POFUT3: variants seen among roughly 807,000 people sequenced by gnomAD.
The protein encoded by POFUT3 is GDP-fucose protein O-fucosyltransferase 3.
At chr8:33,469,351 G>A in the POFUT3 span, among the ~76,000 whole-genome samples, 3 of 152,124 alleles carry the variant, frequency 2.0e-5, no homozygotes, top group African/African-American at 7.2e-5. Flanking sequence ...CTGTGTTAAT[G>A]TGTACCTCGC....
chr8:33,407,987 CAAAAAAAAAA>C, the POFUT3 span, among the ~76,000 whole-genome samples: 29 of 83,766 alleles, frequency 3.5e-4, no homozygotes, highest in Non-Finnish European at 4.9e-4. Flanking sequence ...GACTCCATCT[CAAAAAAAAAA>C]AAAAAAAAGA....
chr8:33,382,414 A>C, the POFUT3 span, among the ~76,000 whole-genome samples: 1 of 151,640 alleles, frequency 6.6e-6, no homozygotes. Flanking sequence ...TATGGCATAG[A>C]TTCCTGAAGA....
the POFUT3 span, chr8:33,389,624 T>C: frequency 1.2e-6 from 2 of 1,614,134 alleles, no homozygotes; most frequent in South Asian, 2.2e-5. Flanking sequence ...CTCCAAGTAT[T>C]GGGTAGTTAG....
chr8:33,356,908 G>A, the POFUT3 span, among the ~76,000 whole-genome samples: 2 of 152,072 alleles, frequency 1.3e-5, no homozygotes, highest in East Asian at 1.9e-4. Flanking sequence ...AGTTTTCCCA[G>A]CACCATTTAT....
the POFUT3 span, among the ~76,000 whole-genome samples, chr8:33,310,092 A>T: frequency 6.6e-6 from 1 of 152,184 alleles, no homozygotes; most frequent in Non-Finnish European, 1.5e-5. Flanking sequence ...AACTACTTTC[A>T]TGTGGATCTG....
At chr8:33,329,990 T>C in the POFUT3 span, among the ~76,000 whole-genome samples, 1 of 151,994 alleles carries the variant, frequency 6.6e-6, no homozygotes, top group Non-Finnish European at 1.5e-5. Context: ...ATAATAATAA[T>C]AGAAGGAAGA....
chr8:33,466,462 AAGG>A, the POFUT3 span, among the ~76,000 whole-genome samples: 1 of 150,476 alleles, frequency 6.6e-6, no homozygotes, highest in Non-Finnish European at 1.5e-5. Flanking sequence ...AGGAAAGAGA[AAGG>A]AGAAGGGAAG....
At chr8:33,389,369 C>A in the POFUT3 span, 1 of 1,614,144 alleles carries the variant, frequency 6.2e-7, no homozygotes. Flanking sequence ...TGCAATGATC[C>A]TATAAAAGCC....
the POFUT3 span, chr8:33,389,188 G>C: frequency 3.1e-6 from 5 of 1,614,120 alleles, no homozygotes; most frequent in Non-Finnish European, 4.2e-6. Context: ...GTTCCCTGGG[G>C]TGAGAAAATT....
the POFUT3 span, among the ~76,000 whole-genome samples, chr8:33,390,341 A>C: frequency 6.6e-6 from 1 of 152,096 alleles, no homozygotes; most frequent in Non-Finnish European, 1.5e-5. Context: ...TTCTCATTTT[A>C]CGAAAAAGGA....
At chr8:33,318,593 ATATAATATATAAATATAT>A in the POFUT3 span, among the ~76,000 whole-genome samples, 1 of 101,024 alleles carries the variant, frequency 9.9e-6, no homozygotes, top group Non-Finnish European at 1.8e-5. Context: ...ATATATATTT[ATATAATATATAAATATAT>A]TGTATATATA....
the POFUT3 span, among the ~76,000 whole-genome samples, chr8:33,343,552 T>G: frequency 4.7e-5 from 7 of 148,442 alleles, no homozygotes; most frequent in Admixed American, 2.6e-4. Context: ...ACAACCCCTT[T>G]ATTATACTGA....
chr8:33,379,548 T>C, the POFUT3 span, among the ~76,000 whole-genome samples: 1,101 of 152,004 alleles, frequency 7.2e-3, 4 homozygotes, highest in South Asian at 0.015. Flanking sequence ...TTAAAGAATA[T>C]AGTAAAAGGC....
At chr8:33,334,212 G>T in the POFUT3 span, among the ~76,000 whole-genome samples, 22 of 151,788 alleles carry the variant, frequency 1.4e-4, no homozygotes, top group Non-Finnish European at 2.5e-4. Context: ...ACCCTATTAA[G>T]TTGAAAATTC....
chr8:33,427,026 G>A, the POFUT3 span, among the ~76,000 whole-genome samples: 2 of 152,336 alleles, frequency 1.3e-5, no homozygotes, highest in Middle Eastern at 3.4e-3. Context: ...AGGACAGCAG[G>A]TGAAAGCCAG....
chr8:33,453,590 G>C, the POFUT3 span: 3 of 1,218,352 alleles, frequency 2.5e-6, no homozygotes, highest in South Asian at 1.5e-5. Context: ...TGATGATTTA[G>C]CCCCTGACTC....
At chr8:33,443,133 G>T in the POFUT3 span, among the ~76,000 whole-genome samples, 3 of 152,114 alleles carry the variant, frequency 2.0e-5, no homozygotes, top group African/African-American at 7.2e-5. Context: ...AAGAAAGAAA[G>T]AATTATGTCT....
chr8:33,418,456 C>T, the POFUT3 span, among the ~76,000 whole-genome samples: 18 of 147,586 alleles, frequency 1.2e-4, no homozygotes, highest in African/African-American at 4.5e-4. Context: ...GCACGCACCA[C>T]CACGCCCAGC....
At chr8:33,345,889 G>A in the POFUT3 span, among the ~76,000 whole-genome samples, 1 of 149,020 alleles carries the variant, frequency 6.7e-6, no homozygotes, top group East Asian at 2.0e-4. Flanking sequence ...GCAACGGGGT[G>A]ATCTTGGCTC....
Sources: allele counts gnomAD v4.1 joint callset (sites outside exome capture counted in the v4.1 genomes callset), GRCh38; gene constraint gnomAD v4.1.1; transcripts MANE v1.5; gene names NCBI Gene and HGNC (gene_info 2026-07-23, HGNC 2026-07-21).